MCCC1: variants seen among roughly 807,000 people sequenced by gnomAD.
MCCC1 encodes methylcrotonoyl-CoA carboxylase subunit alpha, mitochondrial.
Under a neutral mutation model 83.8 loss-of-function variants are expected in MCCC1, and 64 were observed. The observed-to-expected ratio is 0.76, with a 90% CI of 0.62 to 0.94. The LOEUF (loss-of-function observed/expected upper bound fraction) is 0.94. Among genes scored for constraint, MCCC1 ranks in the 40% least tolerant of loss-of-function variants. MCCC1 has a pLI of 0.00. For missense variants in MCCC1, 807 were observed against 904.7 expected (o/e 0.89, Z 1.39); for synonymous variants, 322 against 315.4 (o/e 1.02, Z -0.22).
chr3:183,026,494 G>A (rs975421318), intron 14 of MCCC1, among the ~76,000 whole-genome samples: 1 of 152,026 alleles, frequency 6.6e-6, no homozygotes, highest in Non-Finnish European at 1.5e-5. Context: ...TGGGGATCAC[G>A]AAGTCAGGAG....
At chr3:183,048,116 T>C (rs1003454589) in intron 9 of MCCC1, among the ~76,000 whole-genome samples, 5 of 152,176 alleles carry the variant, frequency 3.3e-5, no homozygotes, top group African/African-American at 1.2e-4. Flanking sequence ...AATGGTGTTA[T>C]GCAGCATATG....
intron 7 of MCCC1, among the ~76,000 whole-genome samples, chr3:183,070,200 T>C (rs370129224): frequency 6.6e-5 from 10 of 151,838 alleles, no homozygotes; most frequent in African/African-American, 2.2e-4. Context: ...TAATTCAATT[T>C]AGAAAATTAC....
At chr3:183,092,151 C>T (rs1304494048) in intron 3 of MCCC1, among the ~76,000 whole-genome samples, 1 of 152,162 alleles carries the variant, frequency 6.6e-6, no homozygotes, top group African/African-American at 2.4e-5. Flanking sequence ...GGATCCGCAA[C>T]ATTCTGTGAA....
chr3:183,025,882 A>T, intron 14 of MCCC1, 78 bp from the exon 15 acceptor site: 1 of 1,264,486 alleles, frequency 7.9e-7, no homozygotes, highest in South Asian at 1.2e-5. Context: ...AAAGAATCTC[A>T]CTCTCAACCT....
intron 4 of MCCC1, among the ~76,000 whole-genome samples, chr3:183,075,202 A>C (rs1481531727): frequency 6.6e-6 from 1 of 152,242 alleles, no homozygotes; most frequent in Non-Finnish European, 1.5e-5. Flanking sequence ...TTATGGTAGA[A>C]TAATTTATAT....
intron 4 of MCCC1, among the ~76,000 whole-genome samples, chr3:183,085,566 C>A (rs1717830771): frequency 6.8e-6 from 1 of 146,990 alleles, no homozygotes; most frequent in African/African-American, 2.5e-5. Context: ...GTGTTGGAAG[C>A]TGCAGCGAGC....
chr3:183,030,955 C>T, intron 14 of MCCC1, among the ~76,000 whole-genome samples: 1 of 152,178 alleles, frequency 6.6e-6, no homozygotes, highest in South Asian at 2.1e-4. Flanking sequence ...TTAACTGGCG[C>T]GAATGCCAAC....
intron 14 of MCCC1, among the ~76,000 whole-genome samples, chr3:183,026,277 A>G (rs1712592243): frequency 6.6e-6 from 1 of 152,166 alleles, no homozygotes; most frequent in African/African-American, 2.4e-5. Flanking sequence ...CCTGGACTCA[A>G]GTGATCCATC....
rs768985085 is a variant in MCCC1, at chr3:183,020,251, A to G, written c.1870-14T>C. 1 of 1,590,300 alleles carries G rather than the reference A, an allele frequency of 6.3e-7. No homozygotes were observed. The highest frequency in any genetic ancestry group is 1.1e-5 in the South Asian group (1 of 90,552). The stretch of plus-strand genomic sequence containing the variant: ...AATACTTCCTTCCTAGAAACAGAAA[A>G]CAAACTGAAAACCGAATCAACATCC... On this transcript the variant is annotated splice_polypyrimidine_tract_variant and intron_variant, in intron 16 of 18. Transcript: ENST00000265594.
At chr3:183,071,178 G>A in intron 6 of MCCC1, 32 bp downstream of exon 6, 1 of 1,614,152 alleles carries the variant, frequency 6.2e-7, no homozygotes, top group Non-Finnish European at 8.5e-7. Context: ...AGACAAGCCT[G>A]AATTGGCAAA....
chr3:183,025,714 G>T, intron 15 of MCCC1, 41 bp downstream of exon 15: 2 of 1,574,162 alleles, frequency 1.3e-6, no homozygotes, highest in Non-Finnish European at 1.7e-6. Flanking sequence ...AAAGCGGTCA[G>T]ATTCAGCTCT....
intron 9 of MCCC1, among the ~76,000 whole-genome samples, chr3:183,049,611 A>G (rs1577291333): frequency 6.6e-6 from 1 of 152,096 alleles, no homozygotes; most frequent in East Asian, 1.9e-4. Context: ...CAAAAGCACA[A>G]TAACCTTTAG....
At chr3:183,102,307 G>A (rs1361556463), upstream of MCCC1, among the ~76,000 whole-genome samples, 3 of 152,128 alleles carry the variant, frequency 2.0e-5, no homozygotes, top group Admixed American at 6.6e-5. Context: ...AAGCTGCAAT[G>A]AGCTCTTATC....
intron 1 of MCCC1, among the ~76,000 whole-genome samples, chr3:183,106,921 C>T (rs1719415837): frequency 1.3e-5 from 2 of 152,086 alleles, no homozygotes; most frequent in African/African-American, 4.8e-5. Flanking sequence ...TCTTTTGGAA[C>T]CATTTGAAAG....
At chr3:183,021,437 C>T (rs1354827110) in intron 16 of MCCC1, among the ~76,000 whole-genome samples, 1 of 152,182 alleles carries the variant, frequency 6.6e-6, no homozygotes, top group Non-Finnish European at 1.5e-5. Flanking sequence ...CCAGACTGGT[C>T]TCAAACTCCT....
chr3:183,092,325 T>C (rs1040270174), intron 3 of MCCC1, 84 bp downstream of exon 3: 50 of 1,565,786 alleles, frequency 3.2e-5, no homozygotes, highest in Non-Finnish European at 4.2e-5. Flanking sequence ...CACTAGCAAA[T>C]ATCAACTGTC....
At chr3:183,099,248 T>A in intron 1 of MCCC1, 104 bp downstream of exon 1, 1 of 1,362,864 alleles carries the variant, frequency 7.3e-7, no homozygotes, top group Non-Finnish European at 1.0e-6. Context: ...CCTACCGTCC[T>A]CCCCACACCG....
chr3:183,067,947 A>G (rs1014173094), intron 7 of MCCC1, among the ~76,000 whole-genome samples: 3 of 152,180 alleles, frequency 2.0e-5, no homozygotes, highest in Non-Finnish European at 4.4e-5. Context: ...ATGAGTTATG[A>G]GTGGCCCTCA....
At chr3:183,089,622 A>C (rs1194631260) in intron 3 of MCCC1, among the ~76,000 whole-genome samples, 1 of 151,752 alleles carries the variant, frequency 6.6e-6, no homozygotes, top group Admixed American at 6.6e-5. Context: ...TCAAAAAAAA[A>C]GGTGACTGTG....
Sources: allele counts gnomAD v4.1 joint callset (sites outside exome capture counted in the v4.1 genomes callset), GRCh38; gene constraint gnomAD v4.1.1; transcripts MANE v1.5; gene names NCBI Gene and HGNC (gene_info 2026-07-23, HGNC 2026-07-21).